The following KCTD10 variants were observed in gnomAD, a reference collection of about 807,000 sequenced individuals.
The protein encoded by KCTD10 is potassium channel tetramerization domain containing 10.
A neutral mutation model predicts 34.6 loss-of-function variants in KCTD10; 13 were observed. That is an observed-to-expected ratio of 0.38 (90% confidence interval 0.24 to 0.60). The LOEUF (loss-of-function observed/expected upper bound fraction) is 0.60, where lower values mean the gene tolerates loss of function less well. Among genes scored for constraint, KCTD10 ranks in the 20% least tolerant of loss-of-function variants. KCTD10 has a pLI of 0.66. For missense variants in KCTD10, 256 were observed against 420.3 expected (o/e 0.61, Z 3.42); for synonymous variants, 156 against 168.8 (o/e 0.92, Z 0.59).
At position 109,477,250 on chromosome 12, in the gene KCTD10, C is replaced by T. The variant is rs376259551; in HGVS notation, c.3+10G>A. 12 of 1,613,978 alleles carry T rather than the reference C, an allele frequency of 7.4e-6. No individual in the cohort carries two copies. Among genetic ancestry groups the T allele is most frequent in the African/African-American group, 1.3e-5 (1 of 75,056 alleles). On this transcript the variant is annotated intron_variant, in intron 1 of 6. Coordinates refer to ENST00000228495, the MANE Select transcript of KCTD10 (RefSeq NM_031954.5). Reference sequence around the variant, plus strand: ...CTCAACCCCTAGTCCATGGGCACCGCCCTCCCTACCATGAAAAGTCGGAGG... The same window carrying T: ...CTCAACCCCTAGTCCATGGGCACCGTCCTCCCTACCATGAAAAGTCGGAGG...
rs1872694583 is a variant in KCTD10 at position 109,450,157 on chromosome 12, G to A, written c.*1438C>T. 1.0e-5 allele frequency: 4 copies of A among 398,070 alleles called. No homozygotes were observed. The highest frequency in any genetic ancestry group is 1.8e-5 in the Non-Finnish European group (4 of 225,928). The allele number at this position is 398,070 out of a possible 1,614,324, so 24.7% of individuals were successfully genotyped here. ...AATACCTTTGGTATAAAACGGTAACGATTCCCTTGACAAACCCATCCATCA... is the reference window on the plus strand; with the variant it reads ...AATACCTTTGGTATAAAACGGTAACAATTCCCTTGACAAACCCATCCATCA... On this transcript the variant is annotated 3_prime_UTR_variant, in exon 7 of 7. Coordinates refer to ENST00000228495, the MANE Select transcript of KCTD10 (RefSeq NM_031954.5).
Position 109,449,330 on chromosome 12 carries a change from T to C in KCTD10, c.*2265A>G, listed in dbSNP as rs574404352. The C allele has an allele frequency of 6.6e-5, 10 of 152,182 alleles. No homozygotes were observed. The highest frequency in any genetic ancestry group is 2.4e-4 in the African/African-American group (10 of 41,424). 9.4% of individuals were successfully genotyped at this position (152,182 alleles called of 1,614,324 possible). A position where few individuals can be genotyped will look rare whatever the true frequency, so the allele number is the denominator to read the frequency against. On this transcript the variant is annotated 3_prime_UTR_variant, in exon 7 of 7. Coordinates refer to ENST00000228495, the MANE Select transcript of KCTD10 (RefSeq NM_031954.5). ...AGAGACAAAGACTCAAAACTACAAG[T>C]GCAAAGTTGGGTAGAGAGAGCTGCC...
chr12:109,457,819 G>C (rs1873101655), intron 4 of KCTD10, 137 bp from the exon 5 acceptor site: 1 of 1,045,736 alleles, frequency 9.6e-7, no homozygotes. Context: ...TGGAGAGGGG[G>C]ACCACATGAC....
In KCTD10 at chr12:109,450,207, G is replaced by A. The variant is rs1872697750; in HGVS notation, c.*1388C>T. ...ACCTGACGCACATTCACATCTCCTG[G>A]TAACTACTCTACCTAGTCTAGTCTC... On this transcript the variant is annotated 3_prime_UTR_variant, in exon 7 of 7. Coordinates refer to ENST00000228495, the MANE Select transcript of KCTD10 (RefSeq NM_031954.5). The A allele has an allele frequency of 2.5e-6, 1 of 398,438 alleles. No homozygotes were observed. The highest frequency in any genetic ancestry group is 4.4e-6 in the Non-Finnish European group (1 of 226,064). 24.7% of individuals were successfully genotyped at this position (398,438 alleles called of 1,614,324 possible).
intron 2 of KCTD10, among the ~76,000 whole-genome samples, chr12:109,465,485 T>G (rs765276385): frequency 2.6e-4 from 40 of 152,168 alleles, no homozygotes; most frequent in Non-Finnish European, 5.0e-4. Context: ...TCCTACTGCC[T>G]GGGCCACACC....
rs539392934 is a variant in KCTD10, at chr12:109,457,742, A to G, written c.475-60T>C. ...ACTTGGCAGGCAGATGCAATGAACTACTAGCTTCCCATAGGGCTGGGGCCC... is the reference window on the plus strand; with the variant it reads ...ACTTGGCAGGCAGATGCAATGAACTGCTAGCTTCCCATAGGGCTGGGGCCC... On this transcript the variant is annotated intron_variant, in intron 4 of 6. Transcript: ENST00000228495. The G allele has an allele frequency of 1.2e-5, 18 of 1,542,736 alleles. No homozygotes were observed. In the East Asian group the frequency reaches 3.6e-4, roughly 31 times the overall value.
intron 5 of KCTD10, 26 bp downstream of exon 5, chr12:109,457,604 G>A (rs1037138111): frequency 6.2e-7 from 1 of 1,610,416 alleles, no homozygotes; most frequent in Admixed American, 1.7e-5. Flanking sequence ...AGTAAATGGA[G>A]CTGTCTTTCC....
intron 2 of KCTD10, among the ~76,000 whole-genome samples, chr12:109,468,606 G>A (rs1336001477): frequency 2.6e-5 from 4 of 151,796 alleles, no homozygotes; most frequent in Non-Finnish European, 5.9e-5. Flanking sequence ...ATCATTCCAG[G>A]TGAGTAGGAA....
chr12:109,472,829 A>T (rs1873953637), intron 1 of KCTD10, among the ~76,000 whole-genome samples: 1 of 152,232 alleles, frequency 6.6e-6, no homozygotes, highest in Admixed American at 6.5e-5. Flanking sequence ...TTATGTGCGC[A>T]TGACTGTACC....
chr12:109,477,126 TC>T (rs1874405424), intron 1 of KCTD10, 133 bp downstream of exon 1: 1 of 278,836 alleles, frequency 3.6e-6, no homozygotes, highest in Non-Finnish European at 4.9e-6. Flanking sequence ...CCCTAACCAA[TC>T]CCCCAAATGC....
chr12:109,472,998 G>A (rs938860045), intron 1 of KCTD10, among the ~76,000 whole-genome samples: 2 of 151,438 alleles, frequency 1.3e-5, no homozygotes, highest in African/African-American at 2.4e-5. Flanking sequence ...AAAGCCCCTC[G>A]GTGTCCCTTG....
chr12:109,455,600 G>A (rs1213605445), intron 6 of KCTD10: 2 of 160,824 alleles, frequency 1.2e-5, no homozygotes, highest in Admixed American at 5.8e-5. Flanking sequence ...GCCCACAGCA[G>A]ACCTGCTGCA....
chr12:109,470,680 G>A, intron 1 of KCTD10: 1 of 774,368 alleles, frequency 1.3e-6, no homozygotes, highest in Non-Finnish European at 1.6e-6. Context: ...CTCAGACAAG[G>A]CCACTCTGTG....
In KCTD10 at chr12:109,451,837, C is replaced by A. The variant is rs1290558235; in HGVS notation, c.724-24G>T. On this transcript the variant is annotated intron_variant, in intron 6 of 6. Transcript: ENST00000228495. The surrounding 1 kb of genome is among the most constrained non-coding windows in gnomAD (Gnocchi z 5.0). Reference sequence around the variant, plus strand: ...ACCTGTGTTCCCACAGTATACAGGGCAGGTAAGTTATGGCCCACCCCCTCT... The same window carrying A: ...ACCTGTGTTCCCACAGTATACAGGGAAGGTAAGTTATGGCCCACCCCCTCT... 1.9e-6 allele frequency: 3 copies of A among 1,586,630 alleles called. No homozygotes were observed. Among genetic ancestry groups the A allele is most frequent in the South Asian group, 2.3e-5 (2 of 87,818 alleles).
At chr12:109,470,175 T>A in intron 1 of KCTD10, 1 of 993,294 alleles carries the variant, frequency 1.0e-6, no homozygotes, top group Non-Finnish European at 1.2e-6. Flanking sequence ...CAGGTCTCTT[T>A]ACATTTCCTT....
intron 5 of KCTD10, 154 bp from the exon 6 acceptor site, chr12:109,456,467 A>C: frequency 2.7e-5 from 18 of 674,254 alleles, no homozygotes; most frequent in East Asian, 8.2e-5. Context: ...TCCAATCTCC[A>C]TCACTCAAGA....
At chr12:109,454,142 C>T (rs1383872331) in intron 6 of KCTD10, among the ~76,000 whole-genome samples, 1 of 152,194 alleles carries the variant, frequency 6.6e-6, no homozygotes, top group Non-Finnish European at 1.5e-5. Flanking sequence ...TCTCAATACA[C>T]AAGAACCAAG....
At chr12:109,458,188 G>C (rs984332938) in intron 3 of KCTD10, 110 bp from the exon 4 acceptor site, 8 of 769,452 alleles carry the variant, frequency 1.0e-5, no homozygotes, top group South Asian at 1.5e-5. Flanking sequence ...GTCATGGCTG[G>C]GAAGAGAGAA....
chr12:109,453,143 C>T (rs1189547486), intron 6 of KCTD10, among the ~76,000 whole-genome samples: 1 of 152,180 alleles, frequency 6.6e-6, no homozygotes, highest in African/African-American at 2.4e-5. Flanking sequence ...TCACTGCAGC[C>T]TTGAACGCCT....
Sources: allele counts gnomAD v4.1 joint callset (sites outside exome capture counted in the v4.1 genomes callset), GRCh38; gene constraint gnomAD v4.1.1; non-coding constraint Gnocchi (gnomAD v3.1); transcripts MANE v1.5; gene names NCBI Gene and HGNC (gene_info 2026-07-23, HGNC 2026-07-21).